The following NKAIN2 variants were observed in gnomAD, a reference collection of about 807,000 sequenced individuals.
NKAIN2 encodes sodium/potassium transporting ATPase interacting 2.
In NKAIN2, 14 loss-of-function variants were observed where a neutral mutation model predicts 32.6. The ratio of observed to expected loss-of-function variants is 0.43; its 90% CI spans 0.28 to 0.67. The LOEUF is 0.67. Among genes scored for constraint, NKAIN2 ranks in the 30% least tolerant of loss-of-function variants. NKAIN2 has a pLI of 0.17. For missense variants in NKAIN2, 198 were observed against 258.3 expected (o/e 0.77, Z 1.60); for synonymous variants, 80 against 87.2 (o/e 0.92, Z 0.46).
intron 1 of NKAIN2, among the ~76,000 whole-genome samples, chr6:123,845,158 T>C (rs182912038): frequency 2.6e-5 from 4 of 152,336 alleles, no homozygotes; most frequent in Admixed American, 2.6e-4. Flanking sequence ...AATCAATATA[T>C]GTACTTCTAT....
chr6:124,787,718 T>C (rs905632393), intron 4 of NKAIN2, among the ~76,000 whole-genome samples: 11 of 152,078 alleles, frequency 7.2e-5, no homozygotes, highest in Admixed American at 6.6e-4. Flanking sequence ...TAGGGGGTGC[T>C]CCTTCAGCTC....
At chr6:123,952,933 A>G (rs1777395715) in intron 1 of NKAIN2, among the ~76,000 whole-genome samples, 1 of 152,176 alleles carries the variant, frequency 6.6e-6, no homozygotes, top group Non-Finnish European at 1.5e-5. Context: ...TGGAGGTAAC[A>G]TATTTCCCTG....
chr6:124,030,664 A>G (rs1781365838), intron 1 of NKAIN2, among the ~76,000 whole-genome samples: 1 of 152,210 alleles, frequency 6.6e-6, no homozygotes, highest in Non-Finnish European at 1.5e-5. Context: ...ACTCCATGAT[A>G]GCTATCAACA....
At chr6:124,128,001 G>T (rs1300649272) in intron 1 of NKAIN2, among the ~76,000 whole-genome samples, 1 of 152,030 alleles carries the variant, frequency 6.6e-6, no homozygotes, top group African/African-American at 2.4e-5. Context: ...TAATTTTTTT[G>T]TATTTTTTGT....
At position 124,555,463 on chromosome 6, in the gene NKAIN2, T is replaced by C. The variant is rs1280010849; in HGVS notation, c.274-102723T>C. On this transcript the variant is annotated intron_variant, in intron 3 of 6. Coordinates refer to ENST00000368417, the MANE Select transcript of NKAIN2 (RefSeq NM_001040214.3). Reference sequence around the variant, plus strand: ...CATACAATAAAACTCTATGATATACTTGGCAAAGTCTCACTCTTAGTATGA... The same window carrying C: ...CATACAATAAAACTCTATGATATACCTGGCAAAGTCTCACTCTTAGTATGA... 3.3e-5 allele frequency among the ~76,000 whole-genome samples: 5 copies of C among 152,320 alleles called. No individual in the cohort carries two copies. The East Asian group carries it at 9.6e-4, about 29-fold the overall frequency.
chr6:124,707,466 AG>A (rs1775152692), intron 4 of NKAIN2, among the ~76,000 whole-genome samples: 2 of 149,768 alleles, frequency 1.3e-5, no homozygotes, highest in South Asian at 2.1e-4. Flanking sequence ...AACAGTGTAA[AG>A]GTGTTCCTAT....
intron 2 of NKAIN2, among the ~76,000 whole-genome samples, chr6:124,295,419 C>T (rs554544227): frequency 6.6e-6 from 1 of 152,168 alleles, no homozygotes; most frequent in South Asian, 2.1e-4. Context: ...GTTTAGCTGA[C>T]AATTTAGTAA....
chr6:123,988,115 G>A (rs1196633051), intron 1 of NKAIN2, among the ~76,000 whole-genome samples: 1 of 152,094 alleles, frequency 6.6e-6, no homozygotes, highest in Non-Finnish European at 1.5e-5. Context: ...GATTGGAGAT[G>A]GGAGATCAGC....
intron 1 of NKAIN2, among the ~76,000 whole-genome samples, chr6:123,995,179 T>C (rs1779564700): frequency 6.6e-6 from 1 of 152,068 alleles, no homozygotes. Context: ...TACAATATAC[T>C]GGGGGAGATG....
intron 4 of NKAIN2, among the ~76,000 whole-genome samples, chr6:124,687,360 C>T (rs1195305831): frequency 9.7e-5 from 12 of 124,130 alleles, no homozygotes; most frequent in Non-Finnish European, 1.7e-4. Flanking sequence ...ATATATATTC[C>T]ATACATACAC....
chr6:124,271,937 G>C (rs898271224), intron 1 of NKAIN2, among the ~76,000 whole-genome samples: 4 of 152,138 alleles, frequency 2.6e-5, no homozygotes, highest in Admixed American at 2.6e-4. Context: ...TAGGGTATCT[G>C]GCGGAAGAAA....
At chr6:124,245,273 T>C (rs974783064) in intron 1 of NKAIN2, among the ~76,000 whole-genome samples, 20 of 152,130 alleles carry the variant, frequency 1.3e-4, no homozygotes, top group Non-Finnish European at 2.5e-4. Context: ...CACTTCAGTG[T>C]ATCGTAAATG....
rs1304128728 is a variant in NKAIN2 at position 124,371,709 on chromosome 6, A to AAAAG, written c.273+16371_273+16374dup. Reference sequence around the variant, plus strand: ...ACTCTGTCTCAAAAAAAAAAAAAAAAAAAGAAAGAAAGGAAAAAAAAGAGT... The same window carrying AAAAG: ...ACTCTGTCTCAAAAAAAAAAAAAAAAAAAGAAAGAAAGAAAGGAAAAAAAAGAGT... On this transcript the variant is annotated intron_variant, in intron 3 of 6. Transcript: ENST00000368417. Among the ~76,000 whole-genome samples, 638 of 151,186 alleles carry AAAAG rather than the reference A, an allele frequency of 4.2e-3. 9 individuals are homozygous for AAAAG. Among genetic ancestry groups the AAAAG allele is most frequent in the African/African-American group, 0.015 (616 of 41,116 alleles).
chr6:124,113,403 C>T lies in NKAIN2; in HGVS notation c.55-169602C>T, dbSNP rs375578144. On this transcript the variant is annotated intron_variant, in intron 1 of 6. Transcript: ENST00000368417. ...TAGAGATATTGTAGCATTGGATACA[C>T]AGATCAACTCTTTCCTTTCCAAGAA... Among the ~76,000 whole-genome samples the T allele has an allele frequency of 3.3e-5, 5 of 152,202 alleles. No individual in the cohort carries two copies. In the East Asian group the frequency reaches 9.7e-4, roughly 29 times the overall value.
intron 1 of NKAIN2, among the ~76,000 whole-genome samples, chr6:123,990,115 A>G (rs1337475855): frequency 6.6e-6 from 1 of 152,202 alleles, no homozygotes; most frequent in African/African-American, 2.4e-5. Flanking sequence ...GACACTATTT[A>G]TAAAACCATC....
intron 4 of NKAIN2, among the ~76,000 whole-genome samples, chr6:124,763,068 T>C (rs62433666): frequency 0.044 from 6,656 of 152,278 alleles, 175 homozygotes; most frequent in South Asian, 0.068. Flanking sequence ...TCAAACACCA[T>C]GTCTCACTTA....
intron 1 of NKAIN2, among the ~76,000 whole-genome samples, chr6:123,869,537 C>T (rs556883604): frequency 6.6e-5 from 10 of 152,152 alleles, no homozygotes; most frequent in South Asian, 4.1e-4. Context: ...CACCATGATT[C>T]GCCTGTCATT....
rs144303323 is a variant in NKAIN2 at position 124,820,530 on chromosome 6, A to G, written c.617+2062A>G. 4.1e-3 allele frequency among the ~76,000 whole-genome samples: 622 copies of G among 152,332 alleles called. 9 individuals are homozygous for G. Among genetic ancestry groups the G allele is most frequent in the African/African-American group, 0.014 (601 of 41,574 alleles). ...TAGAATAATGCTTGTGTTAATCAAC[A>G]TCACTCATGAAAAGGCTGTATCAAG... On this transcript the variant is annotated intron_variant, in intron 6 of 6. Transcript: ENST00000368417.
chr6:124,507,787 T>G (rs1379621855), intron 3 of NKAIN2, among the ~76,000 whole-genome samples: 3 of 152,108 alleles, frequency 2.0e-5, no homozygotes, highest in African/African-American at 7.2e-5. Flanking sequence ...GTCCCTGCAT[T>G]CAGCATGGTA....
Sources: allele counts gnomAD v4.1 joint callset (sites outside exome capture counted in the v4.1 genomes callset), GRCh38; gene constraint gnomAD v4.1.1; transcripts MANE v1.5; gene names NCBI Gene and HGNC (gene_info 2026-07-23, HGNC 2026-07-21).